SCGB2B2: variants seen among roughly 807,000 people sequenced by gnomAD.
SCGB2B2 encodes the protein secretoglobin-like protein.
In SCGB2B2, 11 loss-of-function variants were observed where a neutral mutation model predicts 7.6. The observed-to-expected ratio is 1.45, with a 90% CI of 0.91 to 2.40. The LOEUF is 2.40. Ranked by LOEUF, SCGB2B2 falls within the 30% of genes most tolerant of loss-of-function variation. The pLI, the probability that SCGB2B2 is intolerant of heterozygous loss-of-function variation, is 0.00. For missense variants in SCGB2B2, 104 were observed against 115.4 expected, an observed-to-expected ratio of 0.90 and a Z score of 0.45; for synonymous variants, 50 against 48.6, an observed-to-expected ratio of 1.03 and a Z score of -0.12.
intron 1 of SCGB2B2, among the ~76,000 whole-genome samples, chr19:34,650,387 G>A (rs112423358): frequency 0.024 from 3,576 of 151,294 alleles, 367 homozygotes; most frequent in African/African-American, 0.082. Flanking sequence ...TGTGGTGTGG[G>A]TGGCAGCCAC....
chr19:34,618,160 G>A (rs574141337), intron 1 of SCGB2B2, among the ~76,000 whole-genome samples: 15 of 152,176 alleles, frequency 9.9e-5, no homozygotes, highest in African/African-American at 2.2e-4. Context: ...CTCCTCCCCC[G>A]CATGTGTCTT....
In SCGB2B2 at chr19:34,657,230, T is replaced by C. The variant is rs575738306; in HGVS notation, c.-2032+18400A>G. ...AATTAATACATGTATAAGAGCACCA[T>C]AGAAATACATATGTATTACCAACAT... is the stretch of plus-strand genomic sequence containing the variant. On this transcript the variant is annotated intron_variant, in intron 1 of 3. Coordinates refer to ENST00000601241, the MANE Select transcript of SCGB2B2 (RefSeq NM_001025591.4). Among the ~76,000 whole-genome samples the C allele has an allele frequency of 3.9e-4, 59 of 151,356 alleles. 1 individual carries two copies. Among genetic ancestry groups the C allele is most frequent in the African/African-American group, 1.1e-3 (44 of 40,664 alleles).
At chr19:34,667,138 C>T (rs2067651591) in intron 1 of SCGB2B2, among the ~76,000 whole-genome samples, 1 of 152,048 alleles carries the variant, frequency 6.6e-6, no homozygotes, top group South Asian at 2.1e-4. Flanking sequence ...CCCTGAGAGC[C>T]TCTCTCTCCA....
At chr19:34,642,605 A>G (rs1185631214) in intron 1 of SCGB2B2, among the ~76,000 whole-genome samples, 1 of 150,336 alleles carries the variant, frequency 6.7e-6, no homozygotes, top group Non-Finnish European at 1.5e-5. Context: ...AATCCCAGCT[A>G]CTTGAGAGGC....
chr19:34,654,382 C>G (rs756126293), intron 1 of SCGB2B2, among the ~76,000 whole-genome samples: 3 of 150,940 alleles, frequency 2.0e-5, no homozygotes, highest in Non-Finnish European at 2.9e-5. Context: ...GATAGAGGAG[C>G]CTTAATTTGG....
At chr19:34,631,112 T>TGGGGGGGGGG (rs1475533726) in intron 1 of SCGB2B2, among the ~76,000 whole-genome samples, 1 of 89,078 alleles carries the variant, frequency 1.1e-5, no homozygotes, top group African/African-American at 4.5e-5. Context: ...CGGGGCCTGT[T>TGGGGGGGGGG]GTGGGGTGGG....
chr19:34,608,297 T>C (rs981656775), intron 1 of SCGB2B2, among the ~76,000 whole-genome samples: 5 of 152,072 alleles, frequency 3.3e-5, no homozygotes, highest in African/African-American at 1.2e-4. Context: ...AACTTTTGTA[T>C]GTATATTTTG....
intron 1 of SCGB2B2, among the ~76,000 whole-genome samples, chr19:34,629,499 G>A (rs970710627): frequency 1.3e-5 from 2 of 151,886 alleles, no homozygotes; most frequent in African/African-American, 4.8e-5. Flanking sequence ...ACCAAATCGT[G>A]AGTGAACTCC....
intron 1 of SCGB2B2, among the ~76,000 whole-genome samples, chr19:34,673,089 C>T (rs2067841124): frequency 6.6e-6 from 1 of 152,122 alleles, no homozygotes; most frequent in Non-Finnish European, 1.5e-5. Flanking sequence ...TGCCCTTGAC[C>T]AGATAAATCC....
At chr19:34,606,850 G>T (rs1461639423) in intron 1 of SCGB2B2, among the ~76,000 whole-genome samples, 1 of 151,924 alleles carries the variant, frequency 6.6e-6, no homozygotes, top group African/African-American at 2.4e-5. Flanking sequence ...TGTACACAAG[G>T]TTCAGTACTA....
chr19:34,609,182 C>T (rs71351780), intron 1 of SCGB2B2, among the ~76,000 whole-genome samples: 14,358 of 151,850 alleles, frequency 0.095, 792 homozygotes, highest in South Asian at 0.19. Context: ...TGTGTTTTTT[C>T]CATGTTGAGC....
In SCGB2B2 at chr19:34,594,223, G is replaced by A; in HGVS notation, c.198C>T (p.Cys66=). 3.1e-6 allele frequency: 5 copies of A among 1,614,120 alleles called. No individual in the cohort carries two copies. The highest frequency in any genetic ancestry group is 4.2e-6 in the Non-Finnish European group (5 of 1,179,990). Residue 66 remains cysteine, a synonymous_variant, in exon 3 of 4, where the codon TGC becomes TGT. Coordinates refer to ENST00000601241, the MANE Select transcript of SCGB2B2 (RefSeq NM_001025591.4). ...TEESFLNVQQ[C]FANVSVTERF... ...TTTCTGTCACGGAGACATTGGCAAAGCATTGCTGGACATTGAGGAAGGACT... is the reference window on the plus strand; with the variant it reads ...TTTCTGTCACGGAGACATTGGCAAAACATTGCTGGACATTGAGGAAGGACT...
intron 1 of SCGB2B2, among the ~76,000 whole-genome samples, chr19:34,665,694 G>A (rs1290158506): frequency 6.6e-6 from 1 of 152,142 alleles, no homozygotes; most frequent in Non-Finnish European, 1.5e-5. Context: ...AGTGAGAGGT[G>A]AGTGGCTGGG....
In SCGB2B2 at chr19:34,655,370, C is replaced by T. The variant is rs140768573; in HGVS notation, c.-2032+20260G>A. On this transcript the variant is annotated intron_variant, in intron 1 of 3. Coordinates refer to ENST00000601241, the MANE Select transcript of SCGB2B2 (RefSeq NM_001025591.4). The stretch of plus-strand genomic sequence containing the variant: ...TTAATCTGCAGGATAAAACCTTGGT[C>T]TCCACAAACCCTTACCACAACCCAG... 3.3e-3 allele frequency among the ~76,000 whole-genome samples: 505 copies of T among 151,326 alleles called. 32 individuals are homozygous for T. The highest frequency in any genetic ancestry group is 0.012 in the African/African-American group (478 of 40,610).
chr19:34,597,113 C>G (rs2065479191), intron 1 of SCGB2B2, among the ~76,000 whole-genome samples: 1 of 151,668 alleles, frequency 6.6e-6, no homozygotes, highest in Non-Finnish European at 1.5e-5. Flanking sequence ...AGCTGTCACT[C>G]AATCACCTGC....
intron 1 of SCGB2B2, among the ~76,000 whole-genome samples, chr19:34,669,768 T>C (rs1009853282): frequency 6.8e-6 from 1 of 146,268 alleles, no homozygotes; most frequent in Non-Finnish European, 1.5e-5. Flanking sequence ...GGGATTCTAA[T>C]TTATGGCAGT....
chr19:34,645,584 G>T, intron 1 of SCGB2B2: 1 of 253,682 alleles, frequency 3.9e-6, no homozygotes, highest in South Asian at 4.5e-5. Flanking sequence ...GAAGGTGTGT[G>T]TCAGTTGTCC....
intron 1 of SCGB2B2, among the ~76,000 whole-genome samples, chr19:34,648,423 T>G (rs970067828): frequency 1.3e-5 from 2 of 152,214 alleles, no homozygotes; most frequent in African/African-American, 4.8e-5. Context: ...GCTGTTGATG[T>G]AAGTTCTCTG....
At chr19:34,660,379 T>C (rs971955501) in intron 1 of SCGB2B2, among the ~76,000 whole-genome samples, 10 of 152,210 alleles carry the variant, frequency 6.6e-5, no homozygotes, top group African/African-American at 2.2e-4. Flanking sequence ...TTTCGTAATC[T>C]ACCCATCTGA....
Sources: gnomAD v4.1 joint callset for allele counts (sites outside exome capture counted in the v4.1 genomes callset) on GRCh38, gnomAD v4.1.1 for gene constraint, MANE v1.5 for transcripts, NCBI Gene and HGNC (gene_info 2026-07-23, HGNC 2026-07-21) for gene names.